Variants in NREP observed in about 807,000 individuals in gnomAD.
The protein encoded by NREP is neuronal regeneration-related protein.
A neutral mutation model predicts 8.6 loss-of-function variants in NREP; 5 were observed. The ratio of observed to expected loss-of-function variants is 0.58; its 90% CI spans 0.30 to 1.22. The LOEUF is 1.22. NREP is among the 50% of genes most tolerant of loss of function. The pLI is 0.07. For missense variants in NREP, 86 were observed against 82.5 expected, an observed-to-expected ratio of 1.04 and a Z score of -0.17; for synonymous variants, 27 against 28.0, an observed-to-expected ratio of 0.96 and a Z score of 0.11.
At chr5:111,841,761 C>T (rs1753036152) in intron 2 of NREP, among the ~76,000 whole-genome samples, 1 of 152,024 alleles carries the variant, frequency 6.6e-6, no homozygotes, top group East Asian at 1.9e-4. Context: ...TCAGTGATTT[C>T]GAATAGGTTT....
chr5:111,828,352 G>A (rs1439770302), intron 2 of NREP, among the ~76,000 whole-genome samples: 4 of 152,124 alleles, frequency 2.6e-5, no homozygotes, highest in African/African-American at 9.7e-5. Context: ...CTAGGCAATA[G>A]GTGAAGAGGA....
At position 111,781,020 on chromosome 5, in the gene NREP, C is replaced by CT. The variant is rs536474698; in HGVS notation, c.136-45514dup. On this transcript the variant is annotated intron_variant, in intron 2 of 3. Coordinates refer to the NREP transcript ENST00000395634. ...ACAAACAACATCTTTTCTTAAAAAA[C>CT]TTTAAGTTCAAGGGTTTTTTATATA... Among the ~76,000 whole-genome samples the CT allele has an allele frequency of 9.2e-5, 14 of 152,078 alleles. No homozygotes were observed. The South Asian group carries it at 2.9e-3, about 32-fold the overall frequency.
chr5:111,738,969 C>T (rs1370899521), intron 2 of NREP: 2 of 152,268 alleles, frequency 1.3e-5, no homozygotes, highest in Admixed American at 6.5e-5. Flanking sequence ...AGAAGGGAGG[C>T]CTCAGAAGAA....
chr5:111,864,758 A>G (rs1561699276), intron 2 of NREP, among the ~76,000 whole-genome samples: 1 of 152,218 alleles, frequency 6.6e-6, no homozygotes, highest in East Asian at 1.9e-4. Flanking sequence ...ATATTTTTTG[A>G]TATTAGATCC....
intron 2 of NREP, among the ~76,000 whole-genome samples, chr5:111,930,222 T>A (rs1446499802): frequency 6.6e-6 from 1 of 152,082 alleles, no homozygotes; most frequent in Non-Finnish European, 1.5e-5. Context: ...AGAGAGGAGA[T>A]GAGATATAAG....
chr5:111,879,186 T>C (rs921997772), intron 2 of NREP, among the ~76,000 whole-genome samples: 31 of 152,122 alleles, frequency 2.0e-4, no homozygotes, highest in Non-Finnish European at 1.5e-5. Context: ...GGCTCCCCCC[T>C]TTTGCCTACT....
At chr5:111,871,755 G>A (rs908276673) in intron 2 of NREP, among the ~76,000 whole-genome samples, 7 of 151,210 alleles carry the variant, frequency 4.6e-5, no homozygotes, top group African/African-American at 1.2e-4. Context: ...GATGTCACTA[G>A]GTGATACGAG....
chr5:111,911,685 T>G (rs1370282409), intron 2 of NREP, among the ~76,000 whole-genome samples: 1 of 152,136 alleles, frequency 6.6e-6, no homozygotes, highest in Non-Finnish European at 1.5e-5. Context: ...AGGCTCAATC[T>G]GACCTCTTTT....
At position 111,730,542 on chromosome 5, in the gene NREP, G is replaced by GGC. The variant is rs944987837; in HGVS notation, c.*378_*379insGC. ...TACATCTAAATGAAAAAAAAGGTGG[G>GGC]GGGGGGACTCTCAGCCTCTGCAAGA... On this transcript the variant is annotated 3_prime_UTR_variant, in exon 4 of 4. Coordinates refer to ENST00000257435, the MANE Select transcript of NREP (RefSeq NM_004772.4). The GGC allele has an allele frequency of 1.1e-3, 191 of 167,928 alleles. 1 individual carries two copies. Among genetic ancestry groups the GGC allele is most frequent in the Admixed American group, 3.7e-3 (61 of 16,358 alleles). The allele number at this position is 167,928 out of a possible 1,614,324, so 10.4% of individuals were successfully genotyped here. A position where few individuals can be genotyped will look rare whatever the true frequency, so the allele number is the denominator to read the frequency against.
At chr5:111,735,276 A>G (rs563553297) in intron 3 of NREP, 154 bp downstream of exon 3, 89 of 507,972 alleles carry the variant, frequency 1.8e-4, no homozygotes, top group Non-Finnish European at 2.8e-4. Flanking sequence ...GATATTTTTT[A>G]AAAGTACATT....
At chr5:111,827,062 C>T (rs1003470620) in intron 2 of NREP, among the ~76,000 whole-genome samples, 2 of 152,210 alleles carry the variant, frequency 1.3e-5, no homozygotes, top group East Asian at 1.9e-4. Context: ...TCTGATTGCT[C>T]GTTAATAGTT....
At position 111,852,743 on chromosome 5, in the gene NREP, A is replaced by G. The variant is rs1298139213; in HGVS notation, c.136-117236T>C. On this transcript the variant is annotated intron_variant, in intron 2 of 3. Transcript: ENST00000395634. The stretch of plus-strand genomic sequence containing the variant: ...GGTAATATGTTCTGTGACTCAATAC[A>G]GTGTCATTGTTTTTGGAGTGTACAA... Among the ~76,000 whole-genome samples, 3 of 152,208 alleles carry G rather than the reference A, an allele frequency of 2.0e-5. No individual in the cohort carries two copies. The East Asian group carries it at 5.8e-4, about 29-fold the overall frequency.
chr5:111,805,039 G>C (rs753389050), intron 2 of NREP, among the ~76,000 whole-genome samples: 1 of 151,942 alleles, frequency 6.6e-6, no homozygotes, highest in Non-Finnish European at 1.5e-5. Flanking sequence ...GAAACTATTG[G>C]AAAAATGGGC....
chr5:111,872,333 G>C (rs1753809470), intron 2 of NREP, among the ~76,000 whole-genome samples: 1 of 152,148 alleles, frequency 6.6e-6, no homozygotes, highest in Admixed American at 6.5e-5. Context: ...GTCTTCAGCT[G>C]ATTGGGTGAG....
chr5:111,787,977 G>T (rs1441525321), intron 2 of NREP, among the ~76,000 whole-genome samples: 1 of 152,040 alleles, frequency 6.6e-6, no homozygotes, highest in Non-Finnish European at 1.5e-5. Flanking sequence ...GCACACCTGT[G>T]GCCCCAGCTA....
chr5:111,947,290 G>A (rs1332268576), intron 2 of NREP, among the ~76,000 whole-genome samples: 1 of 151,886 alleles, frequency 6.6e-6, no homozygotes, highest in Non-Finnish European at 1.5e-5. Flanking sequence ...TTTTGATTCA[G>A]ATTTTATTAA....
intron 2 of NREP, among the ~76,000 whole-genome samples, chr5:111,935,069 A>AAAAGC (rs1755645759): frequency 6.6e-6 from 1 of 151,984 alleles, no homozygotes; most frequent in Non-Finnish European, 1.5e-5. Context: ...TTTAGTAACT[A>AAAAGC]TTTTTCTAGA....
chr5:111,787,239 A>C (rs151248018), intron 2 of NREP, among the ~76,000 whole-genome samples: 86 of 152,306 alleles, frequency 5.6e-4, no homozygotes, highest in Admixed American at 3.5e-3. Flanking sequence ...TGATCTCAGT[A>C]GGGAAACATT....
intron 2 of NREP, among the ~76,000 whole-genome samples, chr5:111,782,569 T>C (rs1419706168): frequency 1.3e-5 from 2 of 152,148 alleles, no homozygotes; most frequent in Non-Finnish European, 2.9e-5. Context: ...TTCTGTGAAA[T>C]AGAGCTGAAA....
Sources: allele counts gnomAD v4.1 joint callset (sites outside exome capture counted in the v4.1 genomes callset), GRCh38; gene constraint gnomAD v4.1.1; transcripts MANE v1.5; gene names NCBI Gene and HGNC (gene_info 2026-07-23, HGNC 2026-07-21).